Variants in MTRR observed in about 807,000 individuals in gnomAD.
MTRR encodes 5-methyltetrahydrofolate-homocysteine methyltransferase reductase, also known as methionine synthase reductase.
In MTRR, 63 loss-of-function variants were observed where a neutral mutation model predicts 79.2. That is an observed-to-expected ratio of 0.80 (90% confidence interval 0.65 to 0.98). The LOEUF is 0.98. MTRR is among the 50% of genes least tolerant of loss of function. The pLI, the probability that MTRR is intolerant of heterozygous loss-of-function variation, is 0.00. For missense variants in MTRR, 895 were observed against 839.6 expected (o/e 1.07, Z -0.82); for synonymous variants, 355 against 313.3 (o/e 1.13, Z -1.41).
intron 1 of MTRR, among the ~76,000 whole-genome samples, chr5:7,858,365 C>G (rs1056269738): frequency 7.2e-5 from 11 of 152,136 alleles, no homozygotes; most frequent in Non-Finnish European, 1.5e-4. Context: ...TGTGAGAATC[C>G]TTCCAAGCCA....
At chr5:7,887,055 C>G (rs1166674449) in intron 8 of MTRR, among the ~76,000 whole-genome samples, 1 of 152,148 alleles carries the variant, frequency 6.6e-6, no homozygotes, top group African/African-American at 2.4e-5. Context: ...TGTTACCCAG[C>G]TACACATTGC....
chr5:7,857,400 A>T (rs532309658), intron 1 of MTRR, among the ~76,000 whole-genome samples: 1 of 152,286 alleles, frequency 6.6e-6, no homozygotes, highest in African/African-American at 2.4e-5. Context: ...CAGCAACCTT[A>T]TATCTCTCTA....
rs1444159491 is a variant in MTRR, at chr5:7,897,181, T to C, written c.1886T>C (p.Ile629Thr). The change falls in exon 14 of 15, where the codon ATC (isoleucine) becomes ACC (threonine). Residue 629 changes from isoleucine to threonine, a missense_variant. Ile to Thr is a moderately conservative substitution (Grantham distance 89, BLOSUM62 -1). Transcript: ENST00000440940. ...CCAGCAAAGTATGTGCAAGACAACA[T>C]CCAGCTTCATGGCCAGCAGGTGGCG... Reference protein sequence around the residue: ...EAPAKYVQDNIQLHGQQVARI... With the variant: ...EAPAKYVQDNTQLHGQQVARI... The C allele has an allele frequency of 1.2e-6, 2 of 1,614,120 alleles. No homozygotes were observed.
upstream of MTRR, chr5:7,867,012 G>A (rs755893476): frequency 1.1e-5 from 17 of 1,614,190 alleles, no homozygotes; most frequent in Admixed American, 1.7e-4. Context: ...GCAGCTACAC[G>A]ATGCTCTAGG....
chr5:7,897,207 A>C lies in MTRR; in HGVS notation c.1912A>C (p.Arg638=), dbSNP rs2126814708. The C allele has an allele frequency of 1.2e-6, 2 of 1,614,150 alleles. No individual in the cohort carries two copies. Among genetic ancestry groups the C allele is most frequent in the South Asian group, 1.1e-5 (1 of 91,074 alleles). The change falls in exon 14 of 15, where the codon AGA becomes CGA. Residue 638 remains arginine (R), a synonymous_variant. Coordinates refer to ENST00000440940, the MANE Select transcript of MTRR (RefSeq NM_002454.3). The part of the protein sequence containing the change: ...NIQLHGQQVA[R]ILLQENGHIY... Reference sequence around the variant, plus strand: ...CCAGCTTCATGGCCAGCAGGTGGCGAGAATCCTCCTCCAGGAGAACGGCCA... The same window carrying C: ...CCAGCTTCATGGCCAGCAGGTGGCGCGAATCCTCCTCCAGGAGAACGGCCA...
At chr5:7,861,536 A>T in intron 1 of MTRR, 1 of 1,334,498 alleles carries the variant, frequency 7.5e-7, no homozygotes, top group Non-Finnish European at 1.0e-6. Context: ...GCTGCTTATT[A>T]GCCTCAACGA....
rs146475928 is a variant in MTRR, at chr5:7,892,810, G to A, written c.1454G>A (p.Arg485Gln). The A allele has an allele frequency of 1.1e-4, 178 of 1,614,050 alleles. No individual in the cohort carries two copies. The highest frequency in any genetic ancestry group is 1.7e-4 in the Admixed American group (10 of 59,996). ...FLSTATTEVL[R>Q]KGVCTGWLAL... ...TCTACTGCCACAACAGAGGTTCTGCGGAAGGGAGTATGTACAGGCTGGCTG... is the reference window on the plus strand; with the variant it reads ...TCTACTGCCACAACAGAGGTTCTGCAGAAGGGAGTATGTACAGGCTGGCTG... Residue 485 changes from arginine to glutamine, a missense_variant, in exon 11 of 15, where the codon CGG becomes CAG. Arg to Gln is a conservative substitution (Grantham distance 43). Transcript: ENST00000440940.
upstream of MTRR, chr5:7,866,722 T>C (rs1460626592): frequency 3.7e-6 from 6 of 1,613,458 alleles, no homozygotes; most frequent in South Asian, 3.3e-5. Context: ...TAAGTGAACA[T>C]GAATGAAGAA....
Position 7,854,749 on chromosome 5 carries a change from A to G in MTRR, n.391+3164A>G, listed in dbSNP as rs138553514. 2.5e-3 allele frequency among the ~76,000 whole-genome samples: 384 copies of G among 152,288 alleles called. 2 individuals carry two copies. Among genetic ancestry groups the G allele is most frequent in the African/African-American group, 8.9e-3 (369 of 41,558 alleles). On this transcript the variant is annotated intron_variant and non_coding_transcript_variant, in intron 1 of 3. Coordinates refer to the MTRR transcript ENST00000502509. The stretch of plus-strand genomic sequence containing the variant: ...TTGGGTCGGGACGTAGAGCCAAACC[A>G]TATCAGTCCTACAATCGGCCACCTG...
At chr5:7,867,543 CAGT>C (rs1441434755), upstream of MTRR, 6 of 1,614,146 alleles carry the variant, frequency 3.7e-6, no homozygotes, top group Middle Eastern at 1.6e-4. Flanking sequence ...GCTTGCAAAG[CAGT>C]CACTAAACTA....
At chr5:7,885,114 A>G (rs3776463) in intron 6 of MTRR, 6,913 of 157,672 alleles carry the variant, frequency 0.044, 286 homozygotes, top group East Asian at 0.18. Context: ...CTTAGAGGCA[A>G]TGGGCCTAGT....
rs546257241 is a variant in MTRR, at chr5:7,854,431, T to C, written n.391+2846T>C. Among the ~76,000 whole-genome samples, 4 of 152,150 alleles carry C rather than the reference T, an allele frequency of 2.6e-5. No individual in the cohort carries two copies. In the East Asian group the frequency reaches 5.8e-4, roughly 22 times the overall value. On this transcript the variant is annotated intron_variant and non_coding_transcript_variant, in intron 1 of 3. Coordinates refer to the MTRR transcript ENST00000502509. ...GTGATCACAAGTTCCCTGTATTAGT[T>C]CGTTTTCACTCTGCTGATAAAGACA...
chr5:7,857,738 T>C (rs931487413), intron 1 of MTRR, among the ~76,000 whole-genome samples: 1 of 152,202 alleles, frequency 6.6e-6, no homozygotes, highest in African/African-American at 2.4e-5. Flanking sequence ...CTCTTTCCTA[T>C]TTGGCCCTAG....
At chr5:7,894,922 T>C (rs937554006) in intron 11 of MTRR, among the ~76,000 whole-genome samples, 1 of 152,216 alleles carries the variant, frequency 6.6e-6, no homozygotes, top group Admixed American at 6.5e-5. Context: ...TAATGTTAAC[T>C]AGTTTCATTC....
rs1278890602 is a variant in MTRR, at chr5:7,901,086, G to C, written c.*1028G>C. 1.3e-5 allele frequency: 2 copies of C among 152,106 alleles called. No homozygotes were observed. Among genetic ancestry groups the C allele is most frequent in the Non-Finnish European group, 2.9e-5 (2 of 68,022 alleles). 9.4% of individuals were successfully genotyped at this position (152,106 alleles called of 1,614,324 possible). A position where few individuals can be genotyped will look rare whatever the true frequency, so the allele number is the denominator to read the frequency against. ...TCTGTTGAAGGCTTTTGATCCTTTT[G>C]AGAAATAAAGATCTGAAAGAAATGG... On this transcript the variant is annotated 3_prime_UTR_variant, in exon 15 of 15. Coordinates refer to ENST00000440940, the MANE Select transcript of MTRR (RefSeq NM_002454.3).
Position 7,897,306 on chromosome 5 carries a change from GA to G in MTRR, c.1952+66del, listed in dbSNP as rs1404434325. ...AGGGCCATCAGTGATGTCTGTAGAA[GA>G]AAAAAAGGACCGAGAAGCCAATAAT... On this transcript the variant is annotated intron_variant, in intron 14 of 14. Transcript: ENST00000440940. 1.1e-5 allele frequency: 17 copies of G among 1,554,440 alleles called. No individual in the cohort carries two copies. In the South Asian group the frequency reaches 1.5e-4, roughly 13 times the overall value.
At chr5:7,866,224 G>A (rs898502678), upstream of MTRR, among the ~76,000 whole-genome samples, 3 of 151,464 alleles carry the variant, frequency 2.0e-5, no homozygotes, top group Non-Finnish European at 1.5e-5. Context: ...TATGTTCACA[G>A]AATTAGTGGA....
At chr5:7,858,408 C>T (rs1746316475) in intron 1 of MTRR, among the ~76,000 whole-genome samples, 1 of 149,340 alleles carries the variant, frequency 6.7e-6, no homozygotes, top group Admixed American at 6.7e-5. Context: ...CAGCTGGGTA[C>T]CCGGATACAT....
intron 11 of MTRR, chr5:7,893,247 G>C (rs937067634): frequency 1.1e-4 from 32 of 303,956 alleles, no homozygotes; most frequent in African/African-American, 5.2e-4. Context: ...TTTAAGGGGG[G>C]TGATGAGAGA....
Sources: allele counts gnomAD v4.1 joint callset (sites outside exome capture counted in the v4.1 genomes callset), GRCh38; gene constraint gnomAD v4.1.1; transcripts MANE v1.5; gene names NCBI Gene and HGNC (gene_info 2026-07-23, HGNC 2026-07-21).